Variants in RNF2 observed in about 807,000 individuals in gnomAD.
RNF2 encodes E3 ubiquitin-protein ligase RING2.
A neutral mutation model predicts 37.2 loss-of-function variants in RNF2; 6 were observed. The ratio of observed to expected loss-of-function variants is 0.16; its 90% CI spans 0.09 to 0.32. The LOEUF is 0.32. Ranked by LOEUF, RNF2 falls within the 10% of genes least tolerant of loss-of-function variation. RNF2 has a pLI of 1.00. For synonymous variants in RNF2, 133 were observed against 132.7 expected, an observed-to-expected ratio of 1.00 and a Z score of -0.02; for missense variants, 251 against 404.0, an observed-to-expected ratio of 0.62 and a Z score of 3.25.
chr1:185,050,467 C>G (rs1453040848), intron 1 of RNF2, among the ~76,000 whole-genome samples: 1 of 152,190 alleles, frequency 6.6e-6, no homozygotes, highest in Non-Finnish European at 1.5e-5. Flanking sequence ...TGAGATGTCT[C>G]AATTTCGTCA....
chr1:185,081,438 G>T (rs1398453863), intron 1 of RNF2, among the ~76,000 whole-genome samples: 1 of 151,638 alleles, frequency 6.6e-6, no homozygotes, highest in African/African-American at 2.4e-5. Context: ...TTGTTGCCCA[G>T]GCTGGAGTAC....
intron 1 of RNF2, among the ~76,000 whole-genome samples, chr1:185,051,731 ATTCT>A (rs1571290685): frequency 7.5e-6 from 1 of 133,392 alleles, no homozygotes; most frequent in Non-Finnish European, 1.7e-5. Flanking sequence ...TCCTTAACTA[ATTCT>A]TTTTTTTTTT....
At chr1:185,050,919 TTCC>T (rs2102149787) in intron 1 of RNF2, among the ~76,000 whole-genome samples, 1 of 152,340 alleles carries the variant, frequency 6.6e-6, no homozygotes, top group African/African-American at 2.4e-5. Flanking sequence ...TGGGGAGAAA[TTCC>T]TCATTTCAGT....
At chr1:185,087,736 T>C in intron 2 of RNF2, 96 bp downstream of exon 2, 1 of 867,088 alleles carries the variant, frequency 1.2e-6, no homozygotes, top group Non-Finnish European at 1.9e-6. Flanking sequence ...AGAGTAATAA[T>C]AAATTTATAT....
At chr1:185,049,241 C>T (rs1650205020) in intron 1 of RNF2, among the ~76,000 whole-genome samples, 2 of 152,132 alleles carry the variant, frequency 1.3e-5, no homozygotes. Context: ...TCTCATGCCA[C>T]ACTATCAGAG....
chr1:185,067,295 G>A (rs780229140), intron 1 of RNF2, among the ~76,000 whole-genome samples: 1 of 152,204 alleles, frequency 6.6e-6, no homozygotes, highest in Non-Finnish European at 1.5e-5. Context: ...ATTGAACTGC[G>A]GAAAGTGGTT....
chr1:185,077,084 TAA>T (rs1003791020), intron 1 of RNF2, among the ~76,000 whole-genome samples: 1 of 152,192 alleles, frequency 6.6e-6, no homozygotes, highest in Non-Finnish European at 1.5e-5. Flanking sequence ...TGGGATCTTT[TAA>T]AAAATTTATT....
rs545959558 is a variant in RNF2 at position 185,100,381 on chromosome 1, A to C, written c.*80A>C. On this transcript the variant is annotated 3_prime_UTR_variant, in exon 7 of 7. Coordinates refer to ENST00000367510, the MANE Select transcript of RNF2 (RefSeq NM_007212.4). ...TTAAAGATGTACTGGCATTACTTTT[A>C]TGGACAGATCTTGGATATGTTGTTC... 1 of 878,094 alleles carries C rather than the reference A, an allele frequency of 1.1e-6. No individual in the cohort carries two copies. Among genetic ancestry groups the C allele is most frequent in the Non-Finnish European group, 1.8e-6 (1 of 559,106 alleles). 54.4% of individuals were successfully genotyped at this position (878,094 alleles called of 1,614,324 possible). A position where few individuals can be genotyped will look rare whatever the true frequency, so the allele number is the denominator to read the frequency against.
intron 1 of RNF2, among the ~76,000 whole-genome samples, chr1:185,063,516 T>C (rs1270043886): frequency 6.6e-6 from 1 of 152,214 alleles, no homozygotes; most frequent in African/African-American, 2.4e-5. Context: ...TCGCATTTTT[T>C]GTCACCTTCT....
At chr1:185,066,732 A>G (rs1391218078) in intron 1 of RNF2, among the ~76,000 whole-genome samples, 1 of 152,228 alleles carries the variant, frequency 6.6e-6, no homozygotes, top group African/African-American at 2.4e-5. Context: ...TGCTGCTGTT[A>G]TAATTAGTGT....
At chr1:185,058,822 A>C (rs1402888723) in intron 1 of RNF2, among the ~76,000 whole-genome samples, 1 of 152,196 alleles carries the variant, frequency 6.6e-6, no homozygotes, top group Non-Finnish European at 1.5e-5. Context: ...AGAGCAATAG[A>C]TTTTTTTAGA....
At chr1:185,053,995 TC>T (rs575062194) in intron 1 of RNF2, among the ~76,000 whole-genome samples, 21 of 151,404 alleles carry the variant, frequency 1.4e-4, no homozygotes, top group African/African-American at 4.1e-4. Flanking sequence ...TAATCTACAT[TC>T]CCCCCCCACC....
At chr1:185,049,690 A>AG (rs1005095842) in intron 1 of RNF2, among the ~76,000 whole-genome samples, 1 of 148,920 alleles carries the variant, frequency 6.7e-6, no homozygotes, top group Non-Finnish European at 1.5e-5. Flanking sequence ...AAAGCGGGGG[A>AG]GGGGGGAACA....
chr1:185,054,012 T>C (rs958034425), intron 1 of RNF2, among the ~76,000 whole-genome samples: 2 of 152,148 alleles, frequency 1.3e-5, no homozygotes, highest in Non-Finnish European at 2.9e-5. Context: ...CCACCCAGTG[T>C]TTCTCTAGCA....
intron 2 of RNF2, among the ~76,000 whole-genome samples, chr1:185,090,845 T>A (rs915786872): frequency 6.6e-6 from 1 of 152,226 alleles, no homozygotes; most frequent in Non-Finnish European, 1.5e-5. Context: ...AGGGGAGATA[T>A]GTCCTGAAAT....
At chr1:185,093,315 C>A (rs546073761) in intron 4 of RNF2, 39 bp downstream of exon 4, 1 of 1,562,742 alleles carries the variant, frequency 6.4e-7, no homozygotes, top group Admixed American at 1.7e-5. Flanking sequence ...AGCTGTTTTT[C>A]TGAATACTTT....
intron 4 of RNF2, among the ~76,000 whole-genome samples, chr1:185,095,930 C>T (rs1386052353): frequency 6.6e-6 from 1 of 152,114 alleles, no homozygotes; most frequent in African/African-American, 2.4e-5. Context: ...ATGCTACCAT[C>T]AGGACAGTAT....
At chr1:185,098,451 T>C in intron 5 of RNF2, 107 bp downstream of exon 5, 1 of 1,290,002 alleles carries the variant, frequency 7.8e-7, no homozygotes, top group Non-Finnish European at 1.1e-6. Context: ...ATCCCATTGA[T>C]TGCAGGGGTT....
intron 1 of RNF2, among the ~76,000 whole-genome samples, chr1:185,082,212 T>A (rs1477238207): frequency 6.6e-6 from 1 of 152,160 alleles, no homozygotes; most frequent in Non-Finnish European, 1.5e-5. Flanking sequence ...TGGTAGACAT[T>A]GAGTTATTTG....
Sources: gnomAD v4.1 joint callset for allele counts (sites outside exome capture counted in the v4.1 genomes callset) on GRCh38, gnomAD v4.1.1 for gene constraint, MANE v1.5 for transcripts, NCBI Gene and HGNC (gene_info 2026-07-23, HGNC 2026-07-21) for gene names.